The following SPAG4 variants were observed in gnomAD, a reference collection of about 807,000 sequenced individuals.
The protein encoded by SPAG4 is sperm-associated antigen 4 protein.
Under a neutral mutation model 53.9 loss-of-function variants are expected in SPAG4, and 54 were observed. The observed-to-expected ratio is 1.00, with a 90% confidence interval of 0.80 to 1.26. The LOEUF (loss-of-function observed/expected upper bound fraction) is 1.26. SPAG4 is among the 50% of genes most tolerant of loss of function. The pLI is 0.00. For missense variants in SPAG4, 548 were observed against 568.6 expected, an observed-to-expected ratio of 0.96 and a Z score of 0.37; for synonymous variants, 246 against 237.4, an observed-to-expected ratio of 1.04 and a Z score of -0.33.
rs1263809496 is a variant in SPAG4, at chr20:35,620,870, C to A, written c.1168-6C>A. ...AGCCCTTGGCATGATCCATTTGTCT[C>A]CCCAGAATGACCCCCCAGCTGCCTT... On this transcript the variant is annotated splice_polypyrimidine_tract_variant and splice_region_variant and intron_variant, in intron 11 of 11. Coordinates refer to ENST00000374273, the MANE Select transcript of SPAG4 (RefSeq NM_003116.3). The A allele has an allele frequency of 6.2e-7, 1 of 1,613,902 alleles. No homozygotes were observed. Among genetic ancestry groups the A allele is most frequent in the East Asian group, 2.2e-5 (1 of 44,890 alleles).
At chr20:35,620,645 T>TA in intron 10 of SPAG4, 39 bp from the exon 11 acceptor site, 1 of 352,738 alleles carries the variant, frequency 2.8e-6, no homozygotes, top group Non-Finnish European at 5.3e-6. Flanking sequence ...GCCCCACCTG[T>TA]CCCCCTCATA....
intron 10 of SPAG4, among the ~76,000 whole-genome samples, chr20:35,620,413 G>A (rs911505504): frequency 6.6e-5 from 10 of 152,056 alleles, no homozygotes; most frequent in African/African-American, 2.4e-4. Context: ...GTTTCTTCCC[G>A]GGAGGTGGAG....
rs1173311477 is a variant in SPAG4, at chr20:35,617,166, A to G, written c.335A>G (p.Glu112Gly). 1.3e-6 allele frequency: 2 copies of G among 1,594,730 alleles called. No homozygotes were observed. Among genetic ancestry groups the G allele is most frequent in the Non-Finnish European group, 1.7e-6 (2 of 1,170,444 alleles). Residue 112 changes from glutamate to glycine, a missense_variant, in exon 2 of 12, where the codon GAG (glutamate) becomes GGG (glycine). Transcript: ENST00000374273. The part of the protein sequence containing the change: ...EPTGSPVVSE[E>G]PLDLLPTLDL... ...ACTGGGTCTCCAGTAGTCTCTGAGG[A>G]GCCGCTCGACCTTCTCCCGACCCTG...
intron 9 of SPAG4, 80 bp from the exon 10 acceptor site, chr20:35,619,499 G>A: frequency 1.3e-6 from 2 of 1,562,660 alleles, no homozygotes; most frequent in Non-Finnish European, 1.7e-6. Context: ...CGATGGATGG[G>A]GTCGAGCTGA....
Position 35,620,857 on chromosome 20 carries a change from G to A in SPAG4, c.1168-19G>A, listed in dbSNP as rs1031078880. On this transcript the variant is annotated intron_variant, in intron 11 of 11. Transcript: ENST00000374273. ...CCAGGAGGAGGGCAGCCCTTGGCAT[G>A]ATCCATTTGTCTCCCCAGAATGACC... is the stretch of plus-strand genomic sequence containing the variant. The A allele has an allele frequency of 1.2e-6, 2 of 1,613,606 alleles. No individual in the cohort carries two copies. The highest frequency in any genetic ancestry group is 1.7e-6 in the Non-Finnish European group (2 of 1,179,532).
Position 35,616,442 on chromosome 20 carries a change from T to C in SPAG4, c.304+135T>C, listed in dbSNP as rs576201659. The C allele has an allele frequency of 9.0e-5, 117 of 1,300,138 alleles. No homozygotes were observed. The African/African-American group carries it at 1.7e-3, about 19-fold the overall frequency. The allele number at this position is 1,300,138 out of a possible 1,614,324, so 80.5% of individuals were successfully genotyped here. On this transcript the variant is annotated intron_variant, in intron 1 of 11. Coordinates refer to ENST00000374273, the MANE Select transcript of SPAG4 (RefSeq NM_003116.3). The stretch of plus-strand genomic sequence containing the variant: ...GTCCTGTAGGGTAAAGGGATGGTGC[T>C]AAATGAGATCCCTTAAGGGGCGGAG...
intron 11 of SPAG4, 23 bp from the exon 12 acceptor site, chr20:35,620,853 G>A: frequency 6.2e-7 from 1 of 1,613,466 alleles, no homozygotes. Context: ...GCAGCCCTTG[G>A]CATGATCCAT....
At chr20:35,616,402 C>T (rs1231592013) in intron 1 of SPAG4, 95 bp downstream of exon 1, 2 of 1,411,364 alleles carry the variant, frequency 1.4e-6, no homozygotes, top group African/African-American at 3.0e-5. Context: ...TATCTGGGCA[C>T]CTCCTACAAG....
At chr20:35,619,358 A>G (rs772754909) in intron 9 of SPAG4, 48 bp downstream of exon 9, 4 of 1,555,622 alleles carry the variant, frequency 2.6e-6, no homozygotes, top group Non-Finnish European at 3.5e-6. Flanking sequence ...GGACGCTGGG[A>G]AAAGCACCAA....
chr20:35,618,469 C>G lies in SPAG4; in HGVS notation c.602C>G (p.Thr201Ser). Residue 201 changes from threonine to serine, a missense_variant, in exon 6 of 12, where the codon ACT becomes AGT. Transcript: ENST00000374273. ...CAACAGGAACCTAAGGAGATGCTGA[C>G]TCTAAGGTGAAAGAGGGCACCTAGG... ...PLENEPKEML[T>S]LSEYHERVRS... is the part of the protein sequence containing the mutation. 2 of 1,613,996 alleles carry G rather than the reference C, an allele frequency of 1.2e-6. No individual in the cohort carries two copies. Among genetic ancestry groups the G allele is most frequent in the Non-Finnish European group, 1.7e-6 (2 of 1,179,970 alleles).
rs956327642 is a variant in SPAG4 at position 35,616,159 on chromosome 20, C to A, written c.156C>A (p.Ala52=). ...CTGGGGAGCCCGAGGGCAGAAGAGC[C>A]CGGGGCCCGAGCTGCGGTGAGCCCG... ...PGPGEPEGRR[A]RGPSCGEPAL... The change falls in exon 1 of 12, where the codon GCC becomes GCA. Residue 52 remains alanine (A), a synonymous_variant. Coordinates refer to ENST00000374273, the MANE Select transcript of SPAG4 (RefSeq NM_003116.3). The A allele has an allele frequency of 2.5e-6, 4 of 1,599,526 alleles. 1 individual carries two copies. The East Asian group carries it at 9.1e-5, about 36-fold the overall frequency.
At chr20:35,617,707 G>A in intron 3 of SPAG4, 72 bp from the exon 4 acceptor site, 1 of 1,570,462 alleles carries the variant, frequency 6.4e-7, no homozygotes, top group Non-Finnish European at 8.8e-7. Context: ...GGCAAGAGCT[G>A]GGTCTAGGAC....
chr20:35,619,184 C>T lies in SPAG4; in HGVS notation c.794-11C>T, dbSNP rs375630458. On this transcript the variant is annotated splice_polypyrimidine_tract_variant and intron_variant, in intron 8 of 11. Transcript: ENST00000374273. ...CTGGGAGCCTCTGAGGGTTACTTCT[C>T]ACTGTTCCAGGAGCCTCCATCGACC... is the stretch of plus-strand genomic sequence containing the variant. The T allele has an allele frequency of 2.9e-5, 46 of 1,598,410 alleles. No individual in the cohort carries two copies. The highest frequency in any genetic ancestry group is 1.7e-4 in the Admixed American group (10 of 59,480).
chr20:35,620,628 C>T lies in SPAG4; in HGVS notation c.1078-56C>T, dbSNP rs755387591. 2.1e-5 allele frequency: 10 copies of T among 472,964 alleles called. 1 individual carries two copies. Among genetic ancestry groups the T allele is most frequent in the East Asian group, 8.8e-5 (2 of 22,646 alleles). The allele number at this position is 472,964 out of a possible 1,614,324, so 29.3% of individuals were successfully genotyped here. On this transcript the variant is annotated intron_variant, in intron 10 of 11. Coordinates refer to ENST00000374273, the MANE Select transcript of SPAG4 (RefSeq NM_003116.3). Reference sequence around the variant, plus strand: ...CTCAGCAAAGTTTTCTTCTCCCCGCCCCCCCCGCCCCACCTGTCCCCCTCA... The same window carrying T: ...CTCAGCAAAGTTTTCTTCTCCCCGCTCCCCCCGCCCCACCTGTCCCCCTCA...
At position 35,619,707 on chromosome 20, in the gene SPAG4, C is replaced by T; in HGVS notation, c.1038C>T (p.Thr346=). Residue 346 remains threonine, a synonymous_variant, in exon 10 of 12, where the codon ACC becomes ACT. Coordinates refer to ENST00000374273, the MANE Select transcript of SPAG4 (RefSeq NM_003116.3). ...LQHPPPSVEH[T]GGANSAPRDF... Reference sequence around the variant, plus strand: ...ATCCACCGCCCAGCGTGGAGCACACCGGAGGAGCCAACAGCGCCCCCCGCG... The same window carrying T: ...ATCCACCGCCCAGCGTGGAGCACACTGGAGGAGCCAACAGCGCCCCCCGCG... 2 of 1,612,744 alleles carry T rather than the reference C, an allele frequency of 1.2e-6. No individual in the cohort carries two copies. The highest frequency in any genetic ancestry group is 1.7e-6 in the Non-Finnish European group (2 of 1,179,028).
In SPAG4 at chr20:35,620,736, A is replaced by T. The variant is rs1399431100; in HGVS notation, c.1130A>T (p.Asp377Val). The change falls in exon 11 of 12, where the codon GAT becomes GTT. Residue 377 changes from aspartate to valine, a missense_variant. Transcript: ENST00000374273. ...GTTTCCTTGGGGAAATTCACCTTCG[A>T]TGTTGAGAAATCGGAGATTCAGACT... ...TEVSLGKFTF[D>V]VEKSEIQTFH... 3 of 1,609,310 alleles carry T rather than the reference A, an allele frequency of 1.9e-6. No homozygotes were observed. The highest frequency in any genetic ancestry group is 2.5e-6 in the Non-Finnish European group (3 of 1,178,842).
At chr20:35,619,548 C>A (rs2031505075) in intron 9 of SPAG4, 31 bp from the exon 10 acceptor site, 1 of 1,603,296 alleles carries the variant, frequency 6.2e-7, no homozygotes, top group Non-Finnish European at 8.5e-7. Context: ...CTCTGTCCGA[C>A]GGTTCCGATG....
Position 35,619,184 on chromosome 20 carries a change from C to A in SPAG4, c.794-11C>A. The A allele has an allele frequency of 6.3e-7, 1 of 1,598,522 alleles. No homozygotes were observed. Among genetic ancestry groups the A allele is most frequent in the Non-Finnish European group, 8.5e-7 (1 of 1,169,758 alleles). ...CTGGGAGCCTCTGAGGGTTACTTCT[C>A]ACTGTTCCAGGAGCCTCCATCGACC... On this transcript the variant is annotated splice_polypyrimidine_tract_variant and intron_variant, in intron 8 of 11. Coordinates refer to ENST00000374273, the MANE Select transcript of SPAG4 (RefSeq NM_003116.3).
In SPAG4 at chr20:35,619,452, G is replaced by A. The variant is rs6121004; in HGVS notation, c.910-127G>A. Reference sequence around the variant, plus strand: ...TCAAGGAGAGACCTGGCATTGCTGGGGACTGGGGCGGGCTGGAGGTGGAGC... The same window carrying A: ...TCAAGGAGAGACCTGGCATTGCTGGAGACTGGGGCGGGCTGGAGGTGGAGC... On this transcript the variant is annotated intron_variant, in intron 9 of 11. Transcript: ENST00000374273. 2,622 of 1,402,068 alleles carry A rather than the reference G, an allele frequency of 1.9e-3. 30 individuals carry two copies. In the African/African-American group the frequency reaches 0.024, roughly 13 times the overall value. 86.9% of individuals were successfully genotyped at this position (1,402,068 alleles called of 1,614,324 possible). A position where few individuals can be genotyped will look rare whatever the true frequency, so the allele number is the denominator to read the frequency against.
Sources: gnomAD v4.1 joint callset for allele counts (sites outside exome capture counted in the v4.1 genomes callset) on GRCh38, gnomAD v4.1.1 for gene constraint, MANE v1.5 for transcripts, NCBI Gene and HGNC (gene_info 2026-07-23, HGNC 2026-07-21) for gene names.